Variants in PRKCB observed in about 807,000 individuals in gnomAD.
The protein encoded by PRKCB is protein kinase C beta type.
Under a neutral mutation model 81.5 loss-of-function variants are expected in PRKCB, and 13 were observed. The ratio of observed to expected loss-of-function variants is 0.16; its 90% CI spans 0.10 to 0.25. The LOEUF (loss-of-function observed/expected upper bound fraction) is 0.25. Ranked by LOEUF, PRKCB falls within the 10% of genes least tolerant of loss-of-function variation. The probability of loss-of-function intolerance (pLI) is 1.00; values close to 1 mark genes in which losing one functional copy is unlikely to be tolerated. For synonymous variants in PRKCB, 335 were observed against 321.4 expected (o/e 1.04, Z -0.45); for missense variants, 509 against 875.7 (o/e 0.58, Z 5.29).
At chr16:23,916,140 A>G (rs1963735440) in intron 2 of PRKCB, among the ~76,000 whole-genome samples, 2 of 151,598 alleles carry the variant, frequency 1.3e-5, no homozygotes, top group South Asian at 2.1e-4. Flanking sequence ...TGCAGCCTCA[A>G]TCTCCTGGGC....
intron 2 of PRKCB, among the ~76,000 whole-genome samples, chr16:23,965,971 T>TCTATGAAG (rs1326540851): frequency 3.3e-5 from 5 of 152,212 alleles, no homozygotes; most frequent in Non-Finnish European, 4.4e-5. Context: ...GCCACTTCAG[T>TCTATGAAG]CTATGAAGCT....
intron 9 of PRKCB, among the ~76,000 whole-genome samples, chr16:24,124,578 A>G (rs948759792): frequency 2.0e-5 from 3 of 152,168 alleles, no homozygotes; most frequent in African/African-American, 4.8e-5. Context: ...TGGAAGGATG[A>G]CCCTGGGACT....
intron 10 of PRKCB, among the ~76,000 whole-genome samples, chr16:24,160,211 T>A (rs1000922215): frequency 9.9e-5 from 12 of 121,076 alleles, no homozygotes; most frequent in Non-Finnish European, 1.6e-4. Flanking sequence ...TTTTTTTTTT[T>A]AATACTATGG....
At chr16:23,998,679 G>C (rs1024230733) in intron 3 of PRKCB, among the ~76,000 whole-genome samples, 8 of 152,168 alleles carry the variant, frequency 5.3e-5, no homozygotes, top group African/African-American at 1.9e-4. Flanking sequence ...AAGCACTTAG[G>C]ACAGTGTCTG....
At chr16:24,172,754 A>G (rs1347296613) in intron 11 of PRKCB, among the ~76,000 whole-genome samples, 1 of 152,126 alleles carries the variant, frequency 6.6e-6, no homozygotes, top group Non-Finnish European at 1.5e-5. Context: ...ACAAAACTCA[A>G]AGCTCTAAAA....
At position 24,068,308 on chromosome 16, in the gene PRKCB, C is replaced by T. The variant is rs75994537; in HGVS notation, c.530-24483C>T. On this transcript the variant is annotated intron_variant, in intron 5 of 16. Transcript: ENST00000643927. The stretch of plus-strand genomic sequence containing the variant: ...CGTTGAGTTCACTTCTCTGCTCTTC[C>T]CCTCCCACTATGATTTGGCCCCTCA... Among the ~76,000 whole-genome samples the T allele has an allele frequency of 6.7e-3, 1,012 of 152,114 alleles. 5 individuals carry two copies. The highest frequency in any genetic ancestry group is 0.023 in the African/African-American group (961 of 41,512).
rs1047802902 is a variant in PRKCB, at chr16:24,196,666, G to A, written c.1863+5436G>A. 5.3e-5 allele frequency among the ~76,000 whole-genome samples: 8 copies of A among 152,272 alleles called. No homozygotes were observed. In the East Asian group the frequency reaches 7.7e-4, roughly 15 times the overall value. ...TAAAATTCTTACTCAGCCAGTCTGC[G>A]GTGGGGTTTCAGATTCTGCATTTCT... On this transcript the variant is annotated intron_variant, in intron 16 of 16. Transcript: ENST00000643927.
intron 3 of PRKCB, among the ~76,000 whole-genome samples, chr16:24,002,193 C>T (rs1401281567): frequency 6.6e-6 from 1 of 152,188 alleles, no homozygotes; most frequent in Non-Finnish European, 1.5e-5. Flanking sequence ...GGCAGGCTGT[C>T]GATCTGGGCA....
At chr16:23,972,396 G>T (rs906932815) in intron 2 of PRKCB, among the ~76,000 whole-genome samples, 1 of 152,076 alleles carries the variant, frequency 6.6e-6, no homozygotes, top group Non-Finnish European at 1.5e-5. Context: ...ATTTGTATTT[G>T]CTTTATTATA....
At chr16:23,964,283 C>T (rs1308133320) in intron 2 of PRKCB, among the ~76,000 whole-genome samples, 2 of 152,140 alleles carry the variant, frequency 1.3e-5, no homozygotes, top group African/African-American at 4.8e-5. Context: ...GGATTCAGTC[C>T]GCTGTGGCTT....
At chr16:24,025,150 C>G (rs1249863416) in intron 3 of PRKCB, among the ~76,000 whole-genome samples, 2 of 152,202 alleles carry the variant, frequency 1.3e-5, no homozygotes, top group African/African-American at 2.4e-5. Flanking sequence ...TCATCTGGCT[C>G]TAATCTGTGC....
chr16:24,073,047 A>G (rs9935777), intron 5 of PRKCB, among the ~76,000 whole-genome samples: 3,046 of 152,336 alleles, frequency 0.02, 73 homozygotes, highest in African/African-American at 0.056. Flanking sequence ...AAGAAATACC[A>G]CCAGATGTCC....
At position 23,920,502 on chromosome 16, in the gene PRKCB, A is replaced by T. The variant is rs151239723; in HGVS notation, c.206-68006A>T. Among the ~76,000 whole-genome samples, 33 of 152,372 alleles carry T rather than the reference A, an allele frequency of 2.2e-4. 2 individuals are homozygous for T. Among genetic ancestry groups the T allele is most frequent in the Admixed American group, 5.9e-4 (9 of 15,306 alleles). On this transcript the variant is annotated intron_variant, in intron 2 of 16. Coordinates refer to ENST00000643927, the MANE Select transcript of PRKCB (RefSeq NM_002738.7). ...AAGATAACTTTCTTTAAAAAAGGAAATTCATAAAATATCATGCATCTTCCT... is the reference window on the plus strand; with the variant it reads ...AAGATAACTTTCTTTAAAAAAGGAATTTCATAAAATATCATGCATCTTCCT...
At chr16:24,142,853 G>C (rs892205165) in intron 9 of PRKCB, among the ~76,000 whole-genome samples, 1 of 152,158 alleles carries the variant, frequency 6.6e-6, no homozygotes. Flanking sequence ...TTAAGATAGA[G>C]GGAGGGTACA....
chr16:23,868,754 TG>T (rs1962851304), intron 2 of PRKCB, among the ~76,000 whole-genome samples: 1 of 152,184 alleles, frequency 6.6e-6, no homozygotes, highest in South Asian at 2.1e-4. Flanking sequence ...ATGAATGGCT[TG>T]TGGGGATGGA....
chr16:24,027,058 G>C (rs906467212), intron 3 of PRKCB, among the ~76,000 whole-genome samples: 2 of 152,030 alleles, frequency 1.3e-5, no homozygotes, highest in African/African-American at 2.4e-5. Flanking sequence ...GTGCAGTTTT[G>C]TTTCATAGGT....
At chr16:23,872,191 A>C (rs1962916671) in intron 2 of PRKCB, among the ~76,000 whole-genome samples, 1 of 152,200 alleles carries the variant, frequency 6.6e-6, no homozygotes. Context: ...TTCCTGTTAC[A>C]GCACTTCCAG....
intron 7 of PRKCB, among the ~76,000 whole-genome samples, chr16:24,096,905 T>G (rs758777602): frequency 2.0e-5 from 3 of 151,404 alleles, no homozygotes; most frequent in Non-Finnish European, 4.4e-5. Context: ...CAGCTTCAAG[T>G]GAAAGAAAAT....
chr16:24,058,927 T>C (rs905242628), intron 5 of PRKCB, among the ~76,000 whole-genome samples: 1 of 75,456 alleles, frequency 1.3e-5, no homozygotes, highest in African/African-American at 1.0e-4. Context: ...CATACATGAA[T>C]TAAGGAAGTG....
Sources: allele counts gnomAD v4.1 joint callset (sites outside exome capture counted in the v4.1 genomes callset), GRCh38; gene constraint gnomAD v4.1.1; transcripts MANE v1.5; gene names NCBI Gene and HGNC (gene_info 2026-07-23, HGNC 2026-07-21).